DYNC1I1: variants seen among roughly 807,000 people sequenced by gnomAD.
DYNC1I1 encodes the protein cytoplasmic dynein 1 intermediate chain 1.
A neutral mutation model predicts 86.6 loss-of-function variants in DYNC1I1; 43 were observed. That is an observed-to-expected ratio of 0.50 (90% CI 0.39 to 0.64). The LOEUF (loss-of-function observed/expected upper bound fraction) is 0.64, where lower values mean the gene tolerates loss of function less well. Ranked by LOEUF, DYNC1I1 falls within the 30% of genes least tolerant of loss-of-function variation. The pLI is 0.00. For synonymous variants in DYNC1I1, 262 were observed against 283.7 expected (o/e 0.92, Z 0.77); for missense variants, 604 against 788.8 (o/e 0.77, Z 2.81).
At chr7:95,855,596 T>G (rs965418647) in intron 5 of DYNC1I1, among the ~76,000 whole-genome samples, 5 of 152,228 alleles carry the variant, frequency 3.3e-5, no homozygotes, top group African/African-American at 1.2e-4. Context: ...CATCATAGAA[T>G]GTACTTACAC....
chr7:96,058,735 A>G lies in DYNC1I1; in HGVS notation c.1510-17322A>G, dbSNP rs1245949193. 2.0e-5 allele frequency among the ~76,000 whole-genome samples: 3 copies of G among 151,894 alleles called. No individual in the cohort carries two copies. The East Asian group carries it at 5.8e-4, about 29-fold the overall frequency. Reference sequence around the variant, plus strand: ...CTGCAACCTCCACCTCCTGGGTTCAAGCGATTCTCCTGCCTCAGCCTCCTG... The same window carrying G: ...CTGCAACCTCCACCTCCTGGGTTCAGGCGATTCTCCTGCCTCAGCCTCCTG... On this transcript the variant is annotated intron_variant, in intron 14 of 16. Transcript: ENST00000447467.
chr7:95,783,213 C>A (rs956568361), intron 1 of DYNC1I1, among the ~76,000 whole-genome samples: 6 of 152,124 alleles, frequency 3.9e-5, no homozygotes, highest in Non-Finnish European at 7.4e-5. Flanking sequence ...ATATAAAATG[C>A]ATTTGCATGA....
intron 3 of DYNC1I1, 75 bp downstream of exon 3, chr7:95,810,581 T>C (rs988086591): frequency 9.3e-6 from 11 of 1,187,512 alleles, no homozygotes; most frequent in Non-Finnish European, 1.3e-5. Context: ...GTGTTTACTA[T>C]TCTTTTAAGT....
chr7:96,006,577 T>C (rs556762909), intron 10 of DYNC1I1, among the ~76,000 whole-genome samples: 54 of 152,216 alleles, frequency 3.5e-4, no homozygotes, highest in Non-Finnish European at 6.3e-4. Flanking sequence ...CTTCCCTTTG[T>C]ATGAGGGATT....
Position 96,035,641 on chromosome 7 carries a change from A to G in DYNC1I1, c.1253A>G (p.Asn418Ser), listed in dbSNP as rs760589743. The change falls in exon 13 of 17, where the codon AAT (asparagine) becomes AGT (serine). Residue 418 changes from asparagine (N) to serine (S), a missense_variant. Asn to Ser is a conservative substitution (Grantham distance 46, BLOSUM62 1). Coordinates refer to ENST00000447467, the MANE Select transcript of DYNC1I1 (RefSeq NM_001135556.2). Reference sequence around the variant, plus strand: ...TAGGAGAGCATGGAGCTGGTGTACAATAAGTCCAAGCCTGTCGCTGTTACC... The same window carrying G: ...TAGGAGAGCATGGAGCTGGTGTACAGTAAGTCCAAGCCTGTCGCTGTTACC... Reference protein sequence around the residue: ...TPQESMELVYNKSKPVAVTGM... With the variant: ...TPQESMELVYSKSKPVAVTGM... 8 of 1,604,126 alleles carry G rather than the reference A, an allele frequency of 5.0e-6. No homozygotes were observed. Among genetic ancestry groups the G allele is most frequent in the African/African-American group, 4.0e-5 (3 of 74,348 alleles).
At chr7:95,891,654 T>A (rs978560889) in intron 6 of DYNC1I1, among the ~76,000 whole-genome samples, 1 of 152,160 alleles carries the variant, frequency 6.6e-6, no homozygotes, top group Non-Finnish European at 1.5e-5. Flanking sequence ...GCATATTCAG[T>A]GTCTTTATGA....
chr7:96,017,326 A>G (rs570818537), intron 10 of DYNC1I1, among the ~76,000 whole-genome samples: 1 of 152,318 alleles, frequency 6.6e-6, no homozygotes, highest in South Asian at 2.1e-4. Context: ...TAAATAAAAC[A>G]AAGTTTGCCT....
chr7:95,985,628 T>C (rs984603730), intron 8 of DYNC1I1, among the ~76,000 whole-genome samples: 3 of 152,220 alleles, frequency 2.0e-5, no homozygotes, highest in African/African-American at 4.8e-5. Context: ...ATGAGCCTTA[T>C]AAACATAAAT....
intron 6 of DYNC1I1, among the ~76,000 whole-genome samples, chr7:95,874,830 C>T (rs1042666396): frequency 6.6e-5 from 10 of 152,182 alleles, no homozygotes; most frequent in Non-Finnish European, 1.3e-4. Flanking sequence ...ATAAATTGTC[C>T]TTGTTTAAGC....
chr7:95,810,538 C>CA lies in DYNC1I1; in HGVS notation c.223+36dup, dbSNP rs1205897580. ...AAAAGTGCTTCCTGTTACTATTCCT[C>CA]AAAATCAACTTGCGTGGGATATACC... is the stretch of plus-strand genomic sequence containing the variant. On this transcript the variant is annotated intron_variant, in intron 3 of 16. Coordinates refer to ENST00000447467, the MANE Select transcript of DYNC1I1 (RefSeq NM_001135556.2). 1.9e-6 allele frequency: 3 copies of CA among 1,579,386 alleles called. No homozygotes were observed. In the African/African-American group the frequency reaches 4.1e-5, roughly 21 times the overall value.
intron 4 of DYNC1I1, among the ~76,000 whole-genome samples, chr7:95,823,952 C>A (rs1277139272): frequency 9.0e-5 from 7 of 77,900 alleles, no homozygotes; most frequent in South Asian, 4.5e-4. Flanking sequence ...TTCTACTAAA[C>A]TATATATATA....
intron 11 of DYNC1I1, 36 bp from the exon 12 acceptor site, chr7:96,032,631 A>G (rs979328512): frequency 6.6e-7 from 1 of 1,508,388 alleles, no homozygotes; most frequent in African/African-American, 1.4e-5. Flanking sequence ...TTCCTCTTGG[A>G]TCTGTCTCTG....
intron 5 of DYNC1I1, among the ~76,000 whole-genome samples, chr7:95,838,411 TG>T (rs1453530696): frequency 3.3e-5 from 5 of 152,240 alleles, no homozygotes; most frequent in African/African-American, 1.2e-4. Context: ...TGCCTGTTTT[TG>T]TTACAGTTCC....
intron 1 of DYNC1I1, among the ~76,000 whole-genome samples, chr7:95,783,871 T>A (rs1169950554): frequency 3.3e-5 from 5 of 152,260 alleles, no homozygotes; most frequent in Non-Finnish European, 5.9e-5. Context: ...TTTCTTCATC[T>A]GTAAAACAGG....
At chr7:96,058,867 C>A (rs1410810083) in intron 14 of DYNC1I1, among the ~76,000 whole-genome samples, 1 of 141,384 alleles carries the variant, frequency 7.1e-6, no homozygotes, top group East Asian at 2.1e-4. Flanking sequence ...TGGTCTGGAA[C>A]CCCTGACCTC....
chr7:96,048,926 T>C (rs1789301423), intron 14 of DYNC1I1, among the ~76,000 whole-genome samples: 1 of 152,182 alleles, frequency 6.6e-6, no homozygotes, highest in Non-Finnish European at 1.5e-5. Flanking sequence ...TTAATCTCTA[T>C]GAGCGTAAAA....
chr7:95,975,975 T>A (rs748206011), intron 6 of DYNC1I1, among the ~76,000 whole-genome samples: 8 of 152,214 alleles, frequency 5.3e-5, no homozygotes, highest in Non-Finnish European at 1.2e-4. Context: ...TGTGTGTGTG[T>A]GTGAAGAGAT....
At chr7:96,099,646 A>T (rs928595601), downstream of DYNC1I1, among the ~76,000 whole-genome samples, 25 of 152,100 alleles carry the variant, frequency 1.6e-4, no homozygotes, top group Non-Finnish European at 3.1e-4. Flanking sequence ...GGAGAGAGAG[A>T]GATGATCTCT....
chr7:95,989,807 G>T (rs1226615856), intron 9 of DYNC1I1, among the ~76,000 whole-genome samples: 1 of 152,172 alleles, frequency 6.6e-6, no homozygotes, highest in Non-Finnish European at 1.5e-5. Flanking sequence ...AAAATGTGTT[G>T]TATATGAGGC....
Sources: gnomAD v4.1 joint callset for allele counts (sites outside exome capture counted in the v4.1 genomes callset) on GRCh38, gnomAD v4.1.1 for gene constraint, MANE v1.5 for transcripts, NCBI Gene and HGNC (gene_info 2026-07-23, HGNC 2026-07-21) for gene names.